The following GPR107 variants were observed in gnomAD, a reference collection of about 807,000 sequenced individuals.
The protein encoded by GPR107 is G protein-coupled receptor 107.
A neutral mutation model predicts 75.5 loss-of-function variants in GPR107; 31 were observed. The ratio of observed to expected loss-of-function variants is 0.41; its 90% CI spans 0.31 to 0.55. The LOEUF is 0.55. Among genes scored for constraint, GPR107 ranks in the 20% least tolerant of loss-of-function variants. The probability of loss-of-function intolerance (pLI) is 0.26; values close to 1 mark genes in which losing one functional copy is unlikely to be tolerated. For missense variants in GPR107, 572 were observed against 665.7 expected (o/e 0.86, Z 1.55); for synonymous variants, 267 against 251.3 (o/e 1.06, Z -0.59).
At chr9:130,071,191 ATTTTT>A (rs1233744458) in intron 1 of GPR107, among the ~76,000 whole-genome samples, 1 of 135,016 alleles carries the variant, frequency 7.4e-6, no homozygotes, top group Non-Finnish European at 1.6e-5. Context: ...CAACTGGCTA[ATTTTT>A]TTTTTTTTTT....
intron 4 of GPR107, 113 bp downstream of exon 4, chr9:130,077,491 C>T: frequency 1.5e-6 from 1 of 678,650 alleles, no homozygotes; most frequent in Admixed American, 2.2e-5. Flanking sequence ...GTGCTGAGTG[C>T]TGGAGATTCA....
At chr9:130,062,688 T>G (rs1316349726) in intron 1 of GPR107, among the ~76,000 whole-genome samples, 2 of 150,524 alleles carry the variant, frequency 1.3e-5, no homozygotes, top group Non-Finnish European at 3.0e-5. Context: ...CTTCCTTCCT[T>G]CCTTCCTTCC....
At chr9:130,111,068 G>A (rs1831286767) in intron 14 of GPR107, among the ~76,000 whole-genome samples, 1 of 151,848 alleles carries the variant, frequency 6.6e-6, no homozygotes, top group South Asian at 2.1e-4. Context: ...GCCCAGGCTG[G>A]TCTTAAACTC....
In GPR107 at chr9:130,128,523, G is replaced by T. The variant is rs115465367; in HGVS notation, c.1441-117G>T. On this transcript the variant is annotated intron_variant, in intron 16 of 17. Transcript: ENST00000347136. Reference sequence around the variant, plus strand: ...CCCTGTAGCAGGAAGTGGCATCTGAGTAAAGAACCATCGAGTGGTGGGTTG... The same window carrying T: ...CCCTGTAGCAGGAAGTGGCATCTGATTAAAGAACCATCGAGTGGTGGGTTG... The T allele has an allele frequency of 2.7e-3, 2,294 of 864,276 alleles. 35 individuals are homozygous for T. The African/African-American group carries it at 0.033, about 12-fold the overall frequency. 53.5% of individuals were successfully genotyped at this position (864,276 alleles called of 1,614,324 possible).
intron 9 of GPR107, among the ~76,000 whole-genome samples, chr9:130,094,988 T>G (rs1830829536): frequency 7.1e-6 from 1 of 141,678 alleles, no homozygotes; most frequent in African/African-American, 3.1e-5. Flanking sequence ...GCCTCTGTTG[T>G]TTTTTTTTAT....
chr9:130,085,806 G>C (rs1472881650), intron 6 of GPR107, among the ~76,000 whole-genome samples: 1 of 130,922 alleles, frequency 7.6e-6, no homozygotes, highest in Non-Finnish European at 1.5e-5. Context: ...TACCACCCAG[G>C]CTGGAGTGCA....
At chr9:130,083,537 ACT>A in intron 5 of GPR107, 26 bp from the exon 6 acceptor site, 2 of 1,460,996 alleles carry the variant, frequency 1.4e-6, no homozygotes, top group Non-Finnish European at 1.8e-6. Context: ...GTCATGCAGC[ACT>A]CTCTTTTAAA....
At chr9:130,062,760 C>T (rs930849109) in intron 1 of GPR107, among the ~76,000 whole-genome samples, 1 of 151,268 alleles carries the variant, frequency 6.6e-6, no homozygotes, top group Admixed American at 6.6e-5. Flanking sequence ...CACTCTGTCA[C>T]CCAGCCTAGA....
chr9:130,060,271 C>T (rs1486558032), intron 1 of GPR107, among the ~76,000 whole-genome samples: 6 of 152,110 alleles, frequency 3.9e-5, no homozygotes, highest in East Asian at 1.9e-4. Flanking sequence ...CCCTGTTGAC[C>T]GGGCTGGTCT....
At chr9:130,106,307 A>T (rs1378764642) in intron 13 of GPR107, among the ~76,000 whole-genome samples, 1 of 152,036 alleles carries the variant, frequency 6.6e-6, no homozygotes, top group African/African-American at 2.4e-5. Context: ...CAAGATTAAT[A>T]ATATTTTTAG....
chr9:130,104,384 A>G (rs1831110357), intron 12 of GPR107, 36 bp from the exon 13 acceptor site: 1 of 1,608,646 alleles, frequency 6.2e-7, no homozygotes, highest in Non-Finnish European at 8.5e-7. Flanking sequence ...CAGTCCACCC[A>G]TGCTTTGGGG....
Position 130,086,311 on chromosome 9 carries a change from A to G in GPR107, c.565-109A>G, listed in dbSNP as rs1040862994. On this transcript the variant is annotated intron_variant, in intron 6 of 17. Transcript: ENST00000347136. ...TTTTCAGAGAGCTTTTTTGAAGGTC[A>G]GCAAATTTAGAGTTTAAGAAACATG... The G allele has an allele frequency of 5.8e-6, 4 of 695,568 alleles. No individual in the cohort carries two copies. In the African/African-American group the frequency reaches 7.2e-5, roughly 13 times the overall value. The allele number at this position is 695,568 out of a possible 1,614,324, so 43.1% of individuals were successfully genotyped here. A position where few individuals can be genotyped will look rare whatever the true frequency, so the allele number is the denominator to read the frequency against.
chr9:130,130,419 C>T (rs1208109702), intron 17 of GPR107, among the ~76,000 whole-genome samples: 10 of 152,200 alleles, frequency 6.6e-5, no homozygotes, highest in Admixed American at 6.5e-4. Context: ...TTCCAGAACG[C>T]TGTCCTCATT....
intron 2 of GPR107, 120 bp from the exon 3 acceptor site, chr9:130,076,292 A>G: frequency 1.6e-6 from 1 of 610,718 alleles, no homozygotes; most frequent in Non-Finnish European, 3.0e-6. Context: ...CTTCTTACAA[A>G]ATGAATGCTA....
chr9:130,126,860 C>T (rs184982562), intron 15 of GPR107, among the ~76,000 whole-genome samples: 1 of 152,256 alleles, frequency 6.6e-6, no homozygotes, highest in Admixed American at 6.5e-5. Context: ...CAGAACCTCT[C>T]TTGTTGCATG....
At chr9:130,082,493 T>C (rs1830516434) in intron 5 of GPR107, among the ~76,000 whole-genome samples, 1 of 150,954 alleles carries the variant, frequency 6.6e-6, no homozygotes, top group South Asian at 2.1e-4. Flanking sequence ...TTTTTTTTTT[T>C]TTTTTAGACG....
At chr9:130,124,890 T>G in intron 14 of GPR107, 25 bp from the exon 15 acceptor site, 2 of 1,484,896 alleles carry the variant, frequency 1.3e-6, no homozygotes, top group Non-Finnish European at 1.8e-6. Flanking sequence ...AACGAGCTCT[T>G]CATTTTGTTC....
intron 9 of GPR107, among the ~76,000 whole-genome samples, chr9:130,096,370 C>T (rs1830868733): frequency 6.6e-6 from 1 of 152,112 alleles, no homozygotes; most frequent in South Asian, 2.1e-4. Flanking sequence ...TGCCAGGCCC[C>T]TCTCCTGCTC....
chr9:130,107,165 C>G (rs1831178267), intron 13 of GPR107, among the ~76,000 whole-genome samples: 1 of 152,142 alleles, frequency 6.6e-6, no homozygotes, highest in Non-Finnish European at 1.5e-5. Flanking sequence ...CAGTGATGCT[C>G]CATTGTCATG....
Sources: allele counts gnomAD v4.1 joint callset (sites outside exome capture counted in the v4.1 genomes callset), GRCh38; gene constraint gnomAD v4.1.1; transcripts MANE v1.5; gene names NCBI Gene and HGNC (gene_info 2026-07-23, HGNC 2026-07-21).